Variants in RPS6KC1 observed in about 807,000 individuals in gnomAD.
The protein encoded by RPS6KC1 is ribosomal protein S6 kinase C1, also known as inactive ribosomal protein S6 kinase delta-1.
A neutral mutation model predicts 103.8 loss-of-function variants in RPS6KC1; 54 were observed. The observed-to-expected ratio is 0.52, with a 90% CI of 0.42 to 0.65. The LOEUF (loss-of-function observed/expected upper bound fraction) is 0.65, where lower values mean the gene tolerates loss of function less well. RPS6KC1 is among the 30% of genes least tolerant of loss of function. The pLI is 0.00. For missense variants in RPS6KC1, 1,151 were observed against 1,253.8 expected (o/e 0.92, Z 1.24); for synonymous variants, 439 against 438.7 (o/e 1.00, Z -0.01).
At chr1:213,671,888 G>A in the RPS6KC1 span, among the ~76,000 whole-genome samples, 1 of 151,796 alleles carries the variant, frequency 6.6e-6, no homozygotes, top group Non-Finnish European at 1.5e-5. Flanking sequence ...GTGTATATAA[G>A]TATTGAAACA....
the RPS6KC1 span, among the ~76,000 whole-genome samples, chr1:213,662,112 C>A: frequency 6.6e-6 from 1 of 152,142 alleles, no homozygotes; most frequent in South Asian, 2.1e-4. Context: ...CTTTTTATGA[C>A]CCCCACTCCC....
intron 6 of RPS6KC1, among the ~76,000 whole-genome samples, chr1:213,132,739 C>G (rs1454028556): frequency 6.6e-6 from 1 of 152,150 alleles, no homozygotes; most frequent in East Asian, 1.9e-4. Flanking sequence ...TTCTTGTGAC[C>G]TTTATTGGCA....
chr1:213,226,591 A>G (rs976453609), intron 8 of RPS6KC1, among the ~76,000 whole-genome samples: 1 of 152,092 alleles, frequency 6.6e-6, no homozygotes, highest in Non-Finnish European at 1.5e-5. Flanking sequence ...AGGCTTATAT[A>G]TGTCACCTCT....
At chr1:213,070,215 G>A (rs2078743602) in intron 1 of RPS6KC1, among the ~76,000 whole-genome samples, 1 of 152,036 alleles carries the variant, frequency 6.6e-6, no homozygotes, top group Admixed American at 6.6e-5. Flanking sequence ...AATAATGTAG[G>A]GAGATCCCTT....
the RPS6KC1 span, among the ~76,000 whole-genome samples, chr1:213,786,086 G>A: frequency 6.6e-6 from 1 of 152,238 alleles, no homozygotes; most frequent in South Asian, 2.1e-4. Context: ...AGGAAGTGAG[G>A]ATGGGAATAA....
intron 3 of RPS6KC1, 77 bp from the exon 4 acceptor site, chr1:213,104,377 T>C: frequency 1.1e-6 from 1 of 922,494 alleles, no homozygotes; most frequent in Non-Finnish European, 1.7e-6. Context: ...TGCTGCTTTC[T>C]GATCTGTGGA....
the RPS6KC1 span, among the ~76,000 whole-genome samples, chr1:213,493,164 G>C: frequency 5.3e-5 from 8 of 152,178 alleles, no homozygotes; most frequent in Admixed American, 5.2e-4. Context: ...TTGTATTTAA[G>C]TAGCTTCAGA....
the RPS6KC1 span, among the ~76,000 whole-genome samples, chr1:213,807,352 C>T: frequency 6.6e-6 from 1 of 152,190 alleles, no homozygotes; most frequent in Non-Finnish European, 1.5e-5. Context: ...GGAATTTCTC[C>T]TGGATAATAT....
the RPS6KC1 span, among the ~76,000 whole-genome samples, chr1:213,303,109 C>G: frequency 6.6e-6 from 1 of 152,202 alleles, no homozygotes; most frequent in Non-Finnish European, 1.5e-5. Flanking sequence ...AGTGCCGTGG[C>G]AGCGTCTGGT....
chr1:213,427,404 A>G, the RPS6KC1 span, among the ~76,000 whole-genome samples: 1 of 152,154 alleles, frequency 6.6e-6, no homozygotes, highest in African/African-American at 2.4e-5. Flanking sequence ...GTATTTTATA[A>G]CTGATGATCT....
chr1:213,303,549 G>T, the RPS6KC1 span, among the ~76,000 whole-genome samples: 1 of 152,146 alleles, frequency 6.6e-6, no homozygotes, highest in Non-Finnish European at 1.5e-5. Flanking sequence ...ACTGGAATGT[G>T]GGGCCTGGCT....
At chr1:213,693,552 C>A in the RPS6KC1 span, among the ~76,000 whole-genome samples, 3 of 152,152 alleles carry the variant, frequency 2.0e-5, no homozygotes, top group African/African-American at 7.2e-5. Flanking sequence ...GAAGAGGGAT[C>A]GGGAAAGGGA....
chr1:213,179,157 G>C (rs2092090935), intron 8 of RPS6KC1, among the ~76,000 whole-genome samples: 1 of 152,024 alleles, frequency 6.6e-6, no homozygotes, highest in Non-Finnish European at 1.5e-5. Context: ...GCTCATGCCT[G>C]TAATCCCAGC....
the RPS6KC1 span, among the ~76,000 whole-genome samples, chr1:213,733,078 C>CTATTCAT: frequency 6.6e-6 from 1 of 152,156 alleles, no homozygotes; most frequent in Non-Finnish European, 1.5e-5. Context: ...CATATCTTGG[C>CTATTCAT]TATTGTGAAT....
At chr1:213,590,994 C>G in the RPS6KC1 span, among the ~76,000 whole-genome samples, 2 of 152,212 alleles carry the variant, frequency 1.3e-5, no homozygotes, top group Non-Finnish European at 2.9e-5. Flanking sequence ...GGGACCATAA[C>G]TGATGCTTCT....
At chr1:213,538,399 G>A in the RPS6KC1 span, among the ~76,000 whole-genome samples, 1 of 152,150 alleles carries the variant, frequency 6.6e-6, no homozygotes, top group African/African-American at 2.4e-5. Flanking sequence ...CCTTACATTG[G>A]CTTGAGGAAG....
the RPS6KC1 span, among the ~76,000 whole-genome samples, chr1:213,684,834 A>G: frequency 6.6e-6 from 1 of 152,224 alleles, no homozygotes; most frequent in Non-Finnish European, 1.5e-5. Flanking sequence ...GGGCCACCAC[A>G]TGGAGATGCC....
the RPS6KC1 span, chr1:213,839,806 G>A: frequency 6.6e-6 from 1 of 152,164 alleles, no homozygotes; most frequent in African/African-American, 2.4e-5. Context: ...GCCTAAATAA[G>A]ATATAAGAAT....
the RPS6KC1 span, among the ~76,000 whole-genome samples, chr1:213,523,481 A>G: frequency 6.6e-6 from 1 of 152,218 alleles, no homozygotes. Flanking sequence ...ATGTCTGCAA[A>G]GTACAGTAAA....
Sources: gnomAD v4.1 joint callset for allele counts (sites outside exome capture counted in the v4.1 genomes callset) on GRCh38, gnomAD v4.1.1 for gene constraint, MANE v1.5 for transcripts, NCBI Gene and HGNC (gene_info 2026-07-23, HGNC 2026-07-21) for gene names.